Variants in MASP1 observed in about 807,000 individuals in gnomAD.
MASP1 encodes the protein MBL associated serine protease 1, also known as mannan-binding lectin serine protease 1.
MASP1 carries 59 observed loss-of-function variants against 77.1 expected under a neutral mutation model. The observed-to-expected ratio is 0.77, with a 90% CI of 0.62 to 0.95. MASP1 has a LOEUF of 0.95. Among genes scored for constraint, MASP1 ranks in the 40% least tolerant of loss-of-function variants. The pLI is 0.00. For missense variants in MASP1, 885 were observed against 912.9 expected (o/e 0.97, Z 0.39); for synonymous variants, 362 against 354.5 (o/e 1.02, Z -0.24).
chr3:187,290,764 A>C (rs1007020792), intron 1 of MASP1, among the ~76,000 whole-genome samples: 2 of 110,168 alleles, frequency 1.8e-5, no homozygotes, highest in Non-Finnish European at 3.8e-5. Flanking sequence ...ACACATCTGC[A>C]GAGCATTGTG....
rs755335285 is a variant in MASP1 at position 187,235,689 on chromosome 3, G to A, written c.2182C>T (p.Arg728Trp). ...CCCCGAGGAAGTAAGTCAGCTCACC[G>A]TTCCACCTGGGGCTCCACAACACTT... ...PQSVVEPQVE[R>W] is the part of the protein sequence containing the mutation. Residue 728 changes from arginine (R) to tryptophan (W), a missense_variant, in exon 11 of 11, where the codon CGG becomes TGG. Coordinates refer to ENST00000296280, the MANE Select transcript of MASP1 (RefSeq NM_139125.4). 56 of 1,613,982 alleles carry A rather than the reference G, an allele frequency of 3.5e-5. No individual in the cohort carries two copies. The highest frequency in any genetic ancestry group is 1.6e-4 in the Middle Eastern group (1 of 6,082).
chr3:187,265,506 A>G (rs983035230), intron 2 of MASP1, among the ~76,000 whole-genome samples: 1 of 152,120 alleles, frequency 6.6e-6, no homozygotes. Flanking sequence ...GCCCATGGGA[A>G]AATTTGAGCC....
At chr3:187,242,037 G>A (rs1215300779) in intron 9 of MASP1, 1 of 174,190 alleles carries the variant, frequency 5.7e-6, no homozygotes, top group Non-Finnish European at 1.2e-5. Flanking sequence ...CCCAGGTCCT[G>A]GAAGGCACCT....
At chr3:187,262,415 T>A (rs1440455641) in intron 3 of MASP1, 128 bp downstream of exon 3, 3 of 881,306 alleles carry the variant, frequency 3.4e-6, no homozygotes, top group African/African-American at 3.3e-5. Context: ...GCAAATGCAT[T>A]AAGACATTAA....
intron 3 of MASP1, among the ~76,000 whole-genome samples, chr3:187,261,736 A>AT (rs776396374): frequency 3.9e-5 from 6 of 152,234 alleles, no homozygotes; most frequent in Non-Finnish European, 8.8e-5. Flanking sequence ...ACTCAATAGA[A>AT]TTGAAAACAT....
At chr3:187,243,371 C>A in intron 9 of MASP1, 113 bp downstream of exon 9, 1 of 1,080,344 alleles carries the variant, frequency 9.3e-7, no homozygotes, top group Non-Finnish European at 1.4e-6. Flanking sequence ...CATTATCAGG[C>A]TCTACACACT....
At chr3:187,228,550 C>A (rs1712575757) in intron 11 of MASP1, among the ~76,000 whole-genome samples, 1 of 152,080 alleles carries the variant, frequency 6.6e-6, no homozygotes, top group Non-Finnish European at 1.5e-5. Context: ...TTGTATTGTT[C>A]CCTTTCATTT....
chr3:187,290,581 G>A (rs1417248964), intron 1 of MASP1, among the ~76,000 whole-genome samples: 1 of 152,094 alleles, frequency 6.6e-6, no homozygotes, highest in Non-Finnish European at 1.5e-5. Flanking sequence ...TTAAGGACCT[G>A]GTTATCTCTC....
intron 6 of MASP1, among the ~76,000 whole-genome samples, chr3:187,252,231 TA>T (rs1023523032): frequency 1.3e-5 from 2 of 152,218 alleles, no homozygotes; most frequent in Admixed American, 6.5e-5. Context: ...AATGCCTCCC[TA>T]ACCTTTCAGG....
chr3:187,225,571 C>G, intron 12 of MASP1: 2 of 1,552,422 alleles, frequency 1.3e-6, no homozygotes, highest in Non-Finnish European at 1.8e-6. Context: ...CACCTTGTTC[C>G]CTGTCAGCCC....
At chr3:187,251,437 T>C (rs1443191654) in intron 7 of MASP1, 197 bp downstream of exon 7, 2 of 587,656 alleles carry the variant, frequency 3.4e-6, no homozygotes, top group African/African-American at 3.8e-5. Context: ...AACAAACTTT[T>C]GTGCCACTTT....
Position 187,226,406 on chromosome 3 carries a change from C to T in MASP1, c.1555+1G>A. On this transcript the variant is annotated splice_donor_variant, in intron 12 of 15. Coordinates refer to the MASP1 transcript ENST00000337774. LOFTEE classifies it high-confidence loss of function. Reference sequence around the variant, plus strand: ...AGTCAGCTTGCCCCTCACTCACTCACCCAGGATGATTTTGAAGTCAGAAGG... The same window carrying T: ...AGTCAGCTTGCCCCTCACTCACTCATCCAGGATGATTTTGAAGTCAGAAGG... The T allele has an allele frequency of 6.2e-7, 1 of 1,603,832 alleles. No individual in the cohort carries two copies. Among genetic ancestry groups the T allele is most frequent in the Non-Finnish European group, 8.5e-7 (1 of 1,174,704 alleles).
chr3:187,232,970 A>G (rs1249067893), downstream of MASP1, among the ~76,000 whole-genome samples: 1 of 152,162 alleles, frequency 6.6e-6, no homozygotes, highest in Non-Finnish European at 1.5e-5. Context: ...ATCACGTGCC[A>G]CTCATGCTTG....
chr3:187,291,487 C>G (rs571542381), intron 1 of MASP1, 141 bp downstream of exon 1: 5 of 1,147,838 alleles, frequency 4.4e-6, no homozygotes, highest in Admixed American at 3.6e-5. Context: ...CTTCTCAGAG[C>G]CCTAAGAATT....
In MASP1 at chr3:187,234,480, T is replaced by C. The variant is rs542181982; in HGVS notation, c.*1204A>G. ...GAACCAGAGACTCAGACAAAGAAAA[T>C]GATTTTTCAAAGGTTATACAGCCAG... is the stretch of plus-strand genomic sequence containing the variant. On this transcript the variant is annotated 3_prime_UTR_variant, in exon 11 of 11. Coordinates refer to ENST00000296280, the MANE Select transcript of MASP1 (RefSeq NM_139125.4). 275 of 1,286,124 alleles carry C rather than the reference T, an allele frequency of 2.1e-4. No individual in the cohort carries two copies. In the Middle Eastern group the frequency reaches 9.1e-3, roughly 43 times the overall value. 79.7% of individuals were successfully genotyped at this position (1,286,124 alleles called of 1,614,324 possible).
At chr3:187,263,871 T>G (rs1715809746) in intron 2 of MASP1, among the ~76,000 whole-genome samples, 2 of 152,296 alleles carry the variant, frequency 1.3e-5, no homozygotes, top group East Asian at 1.9e-4. Flanking sequence ...GTTGGTATAT[T>G]TATTTGAGTA....
chr3:187,269,950 A>T (rs921422269), intron 2 of MASP1, among the ~76,000 whole-genome samples: 1 of 152,240 alleles, frequency 6.6e-6, no homozygotes, highest in African/African-American at 2.4e-5. Flanking sequence ...GGCTAATGGG[A>T]TAAAACTTTG....
At chr3:187,250,761 C>A (rs1439207510) in intron 7 of MASP1, among the ~76,000 whole-genome samples, 2 of 152,178 alleles carry the variant, frequency 1.3e-5, no homozygotes, top group Non-Finnish European at 1.5e-5. Flanking sequence ...GATGCTGAAA[C>A]TGAACACCCC....
At chr3:187,250,420 C>A (rs777406005) in intron 7 of MASP1, 91 bp from the exon 8 acceptor site, 4 of 913,156 alleles carry the variant, frequency 4.4e-6, no homozygotes, top group Non-Finnish European at 7.4e-6. Context: ...AAGCTCCACA[C>A]GTGTCTTGAT....
Sources: allele counts gnomAD v4.1 joint callset (sites outside exome capture counted in the v4.1 genomes callset), GRCh38; gene constraint gnomAD v4.1.1; transcripts MANE v1.5; gene names NCBI Gene and HGNC (gene_info 2026-07-23, HGNC 2026-07-21).